The following NME5 variants were observed in gnomAD, a reference collection of about 807,000 sequenced individuals.
The protein encoded by NME5 is nucleoside diphosphate kinase 5.
Under a neutral mutation model 21.6 loss-of-function variants are expected in NME5, and 18 were observed. The observed-to-expected ratio is 0.83, with a 90% CI of 0.58 to 1.24. The LOEUF (loss-of-function observed/expected upper bound fraction) is 1.24. NME5 is among the 50% of genes most tolerant of loss of function. The pLI, the probability that NME5 is intolerant of heterozygous loss-of-function variation, is 0.00. For missense variants in NME5, 223 were observed against 255.4 expected (o/e 0.87, Z 0.86); for synonymous variants, 70 against 80.6 (o/e 0.87, Z 0.71).
At chr5:138,118,972 T>C (rs375443514) in intron 4 of NME5, 36 bp from the exon 5 acceptor site, 1 of 1,181,964 alleles carries the variant, frequency 8.5e-7, no homozygotes, top group Admixed American at 1.7e-5. Context: ...GATGCAAACA[T>C]AATGATTAAA....
rs1398495766 is a variant in NME5 at position 138,115,648 on chromosome 5, AG to A, written c.*32del. 1.5e-6 allele frequency: 2 copies of A among 1,319,468 alleles called. No individual in the cohort carries two copies. The highest frequency in any genetic ancestry group is 2.1e-6 in the Non-Finnish European group (2 of 956,768). 81.7% of individuals were successfully genotyped at this position (1,319,468 alleles called of 1,614,324 possible). ...GAAGTACAGCCTTTTATAATAAGAT[AG>A]TTCATGATTTGTTCTTTCGAGGATT... On this transcript the variant is annotated 3_prime_UTR_variant, in exon 6 of 6. Coordinates refer to ENST00000265191, the MANE Select transcript of NME5 (RefSeq NM_003551.3).
rs191512908 is a variant in NME5, at chr5:138,138,423, T to A, written c.129+229A>T. Reference sequence around the variant, plus strand: ...AGAAAGTGTTAAGTGGTTGCCTCTCTCTGGAGCCTGGGACTTGGGGTAAAA... The same window carrying A: ...AGAAAGTGTTAAGTGGTTGCCTCTCACTGGAGCCTGGGACTTGGGGTAAAA... On this transcript the variant is annotated intron_variant, in intron 2 of 5. Transcript: ENST00000265191. The A allele has an allele frequency of 1.7e-5, 7 of 411,342 alleles. No individual in the cohort carries two copies. The East Asian group carries it at 3.9e-4, about 23-fold the overall frequency. The allele number at this position is 411,342 out of a possible 1,614,324, so 25.5% of individuals were successfully genotyped here.
intron 2 of NME5, among the ~76,000 whole-genome samples, chr5:138,133,885 G>T (rs1163568154): frequency 6.6e-6 from 1 of 152,132 alleles, no homozygotes; most frequent in Non-Finnish European, 1.5e-5. Context: ...AAGATGAAAA[G>T]GTTCTAGAAA....
chr5:138,136,033 T>C (rs573706497), intron 2 of NME5, among the ~76,000 whole-genome samples: 1 of 152,244 alleles, frequency 6.6e-6, no homozygotes, highest in Non-Finnish European at 1.5e-5. Flanking sequence ...TTGCATATTA[T>C]GCAATTTGAT....
chr5:138,134,149 C>T (rs750277912), intron 2 of NME5, among the ~76,000 whole-genome samples: 22 of 152,172 alleles, frequency 1.4e-4, no homozygotes, highest in Non-Finnish European at 2.6e-4. Flanking sequence ...AATCTCAGTT[C>T]ACTGCAACCT....
chr5:138,126,643 G>A (rs1561588638), intron 4 of NME5, among the ~76,000 whole-genome samples: 1 of 150,950 alleles, frequency 6.6e-6, no homozygotes, highest in Admixed American at 6.6e-5. Flanking sequence ...ATTTTATCCT[G>A]TTTTATTTAA....
chr5:138,126,060 C>T (rs1272880047), intron 4 of NME5, among the ~76,000 whole-genome samples: 2 of 152,096 alleles, frequency 1.3e-5, no homozygotes, highest in Non-Finnish European at 2.9e-5. Context: ...AGTACTTGCT[C>T]CAAAGAACTT....
intron 4 of NME5, among the ~76,000 whole-genome samples, chr5:138,125,944 G>A (rs914406029): frequency 6.6e-5 from 10 of 152,284 alleles, no homozygotes; most frequent in African/African-American, 2.4e-4. Context: ...TTAAGAACAT[G>A]CCTTTAAATA....
chr5:138,133,335 T>C (rs1751617793), intron 2 of NME5, among the ~76,000 whole-genome samples: 2 of 152,046 alleles, frequency 1.3e-5, no homozygotes, highest in Admixed American at 6.5e-5. Context: ...CTTGATCTCC[T>C]GACCTCATGA....
intron 5 of NME5, chr5:138,116,399 T>C (rs978928539): frequency 6.6e-6 from 1 of 152,224 alleles, no homozygotes; most frequent in Non-Finnish European, 1.5e-5. Flanking sequence ...CAAATTCATA[T>C]GAAATTGCAA....
chr5:138,133,800 G>T (rs984190903), intron 2 of NME5, among the ~76,000 whole-genome samples: 9 of 152,180 alleles, frequency 5.9e-5, no homozygotes, highest in African/African-American at 2.2e-4. Context: ...CCTACAGACA[G>T]CAAGTAGAAT....
chr5:138,115,673 T>A lies in NME5; in HGVS notation c.*8A>T. On this transcript the variant is annotated 3_prime_UTR_variant, in exon 6 of 6. Transcript: ENST00000265191. ...AGTTCATGATTTGTTCTTTCGAGGA[T>A]TTTTTTTTTAATAAGGTTCTTCTAC... 3 of 1,274,812 alleles carry A rather than the reference T, an allele frequency of 2.4e-6. No individual in the cohort carries two copies. The highest frequency in any genetic ancestry group is 3.2e-6 in the Non-Finnish European group (3 of 942,800). The allele number at this position is 1,274,812 out of a possible 1,614,324, so 79.0% of individuals were successfully genotyped here. A position where few individuals can be genotyped will look rare whatever the true frequency, so the allele number is the denominator to read the frequency against.
rs1414002375 is a variant in NME5, at chr5:138,137,876, G to A, written c.129+776C>T. Among the ~76,000 whole-genome samples the A allele has an allele frequency of 1.3e-5, 2 of 151,762 alleles. 1 individual carries two copies. Among genetic ancestry groups the A allele is most frequent in the Middle Eastern group, 6.3e-3 (2 of 316 alleles). On this transcript the variant is annotated intron_variant, in intron 2 of 5. Transcript: ENST00000265191. ...TAGCTGGACATGGTGGTGCATGCCT[G>A]TAATCCCAGCTACTCAGGAGGCTGA...
At chr5:138,129,154 A>C in intron 3 of NME5, 109 bp downstream of exon 3, 1 of 932,416 alleles carries the variant, frequency 1.1e-6, no homozygotes, top group Non-Finnish European at 1.6e-6. Context: ...TTGATTTTGG[A>C]AAACTTCCAA....
intron 2 of NME5, among the ~76,000 whole-genome samples, chr5:138,132,616 C>T (rs1751594648): frequency 6.6e-6 from 1 of 152,256 alleles, no homozygotes; most frequent in South Asian, 2.1e-4. Context: ...CCTCTTAAAG[C>T]CCTTTCCAAA....
At chr5:138,133,402 G>T (rs1430153785) in intron 2 of NME5, among the ~76,000 whole-genome samples, 1 of 152,050 alleles carries the variant, frequency 6.6e-6, no homozygotes, top group African/African-American at 2.4e-5. Flanking sequence ...ACCGCGCCCG[G>T]CCTTAAGGGT....
At chr5:138,133,810 T>C (rs867327473) in intron 2 of NME5, among the ~76,000 whole-genome samples, 1 of 152,140 alleles carries the variant, frequency 6.6e-6, no homozygotes, top group African/African-American at 2.4e-5. Context: ...GCAAGTAGAA[T>C]AGTGGTTATC....
chr5:138,127,663 C>G (rs1751454260), intron 4 of NME5: 1 of 984,848 alleles, frequency 1.0e-6, no homozygotes, highest in African/African-American at 1.7e-5. Context: ...CTTCAGTGTT[C>G]TTCCTCGTAT....
chr5:138,124,057 C>T (rs1211424569), intron 4 of NME5, among the ~76,000 whole-genome samples: 10 of 117,244 alleles, frequency 8.5e-5, no homozygotes, highest in Non-Finnish European at 1.1e-4. Context: ...GGTGCAATGG[C>T]GCGATCTTGG....
Sources: gnomAD v4.1 joint callset for allele counts (sites outside exome capture counted in the v4.1 genomes callset) on GRCh38, gnomAD v4.1.1 for gene constraint, MANE v1.5 for transcripts, NCBI Gene and HGNC (gene_info 2026-07-23, HGNC 2026-07-21) for gene names.